CHRAC1: variants seen among roughly 807,000 people sequenced by gnomAD.
The protein encoded by CHRAC1 is chromatin accessibility complex subunit 1.
Under a neutral mutation model 9.1 loss-of-function variants are expected in CHRAC1, and 6 were observed. The observed-to-expected ratio is 0.66, with a 90% CI of 0.36 to 1.29. The LOEUF is 1.29. Ranked by LOEUF, CHRAC1 falls within the 50% of genes most tolerant of loss-of-function variation. The pLI, the probability that CHRAC1 is intolerant of heterozygous loss-of-function variation, is 0.03. For synonymous variants in CHRAC1, 73 were observed against 64.5 expected (o/e 1.13, Z -0.63); for missense variants, 168 against 163.5 (o/e 1.03, Z -0.15).
At chr8:140,511,863 G>A in intron 1 of CHRAC1, 3 of 514,620 alleles carry the variant, frequency 5.8e-6, no homozygotes, top group Admixed American at 3.3e-5. Flanking sequence ...ACCCCTCGCC[G>A]CTCCCTCACG....
chr8:140,514,504 T>A lies in CHRAC1; in HGVS notation c.274+9T>A. 6.5e-7 allele frequency: 1 copy of A among 1,542,200 alleles called. No homozygotes were observed. Among genetic ancestry groups the A allele is most frequent in the Non-Finnish European group, 8.7e-7 (1 of 1,154,664 alleles). On this transcript the variant is annotated intron_variant, in intron 2 of 2. Coordinates refer to ENST00000220913, the MANE Select transcript of CHRAC1 (RefSeq NM_017444.6). ...TTTTCAGTTTCTTGCAGGTACTTAG[T>A]CTTTGAAACATTCTGGTTAAAAAAT...
intron 1 of CHRAC1, 129 bp downstream of exon 1, chr8:140,511,775 C>T (rs1200749883): frequency 1.1e-6 from 1 of 935,006 alleles, no homozygotes; most frequent in Non-Finnish European, 1.5e-6. Flanking sequence ...GCGCGCGCCC[C>T]GCTGTCCCCG....
In CHRAC1 at chr8:140,516,388, T is replaced by C. The variant is rs905744048; in HGVS notation, c.*1141T>C. On this transcript the variant is annotated 3_prime_UTR_variant, in exon 3 of 3. Transcript: ENST00000220913. Reference sequence around the variant, plus strand: ...GTCTCAAACTCCTAACCTCAACTGATCCACCTGCCTCAGCCTCCCAAAGTG... The same window carrying C: ...GTCTCAAACTCCTAACCTCAACTGACCCACCTGCCTCAGCCTCCCAAAGTG... 6.6e-6 allele frequency: 1 copy of C among 152,200 alleles called. No individual in the cohort carries two copies. The highest frequency in any genetic ancestry group is 2.4e-5 in the African/African-American group (1 of 41,460). 9.4% of individuals were successfully genotyped at this position (152,200 alleles called of 1,614,324 possible).
At chr8:140,514,725 T>C in intron 2 of CHRAC1, 1 of 418,954 alleles carries the variant, frequency 2.4e-6, no homozygotes, top group Non-Finnish European at 4.2e-6. Flanking sequence ...ATTCACAAGA[T>C]GTTGGTTGGC....
chr8:140,514,744 C>T, intron 2 of CHRAC1: 1 of 392,652 alleles, frequency 2.5e-6, no homozygotes, highest in East Asian at 5.5e-5. Flanking sequence ...GCCGCGTATG[C>T]TGGGCAGTCC....
At chr8:140,514,729 G>C (rs908310555) in intron 2 of CHRAC1, 4 of 410,568 alleles carry the variant, frequency 9.7e-6, no homozygotes, top group Middle Eastern at 6.4e-4. Context: ...ACAAGATGTT[G>C]GTTGGCCGCG....
rs575848973 is a variant in CHRAC1 at position 140,511,396 on chromosome 8, C to A, written c.-104C>A. 2.8e-6 allele frequency: 3 copies of A among 1,075,916 alleles called. No individual in the cohort carries two copies. The highest frequency in any genetic ancestry group is 3.6e-6 in the Non-Finnish European group (3 of 827,290). The allele number at this position is 1,075,916 out of a possible 1,614,324, so 66.6% of individuals were successfully genotyped here. A position where few individuals can be genotyped will look rare whatever the true frequency, so the allele number is the denominator to read the frequency against. Reference sequence around the variant, plus strand: ...TCGCCTCCCCACACTACAACTCCCACGGGGCAGCGGGCGCGGCTCCCCGTA... The same window carrying A: ...TCGCCTCCCCACACTACAACTCCCAAGGGGCAGCGGGCGCGGCTCCCCGTA... On this transcript the variant is annotated 5_prime_UTR_variant, in exon 1 of 3. Transcript: ENST00000220913.
In CHRAC1 at chr8:140,516,506, A is replaced by G. The variant is rs1462442059; in HGVS notation, c.*1259A>G. 1 of 152,004 alleles carries G rather than the reference A, an allele frequency of 6.6e-6. No homozygotes were observed. The highest frequency in any genetic ancestry group is 6.6e-5 in the Admixed American group (1 of 15,246). 9.4% of individuals were successfully genotyped at this position (152,004 alleles called of 1,614,324 possible). A position where few individuals can be genotyped will look rare whatever the true frequency, so the allele number is the denominator to read the frequency against. Reference sequence around the variant, plus strand: ...TTTATAATTTACATTCAGTAAAATCACCCTTTTTAGTGTCTAGTCTGTGAA... The same window carrying G: ...TTTATAATTTACATTCAGTAAAATCGCCCTTTTTAGTGTCTAGTCTGTGAA... On this transcript the variant is annotated 3_prime_UTR_variant, in exon 3 of 3. Coordinates refer to ENST00000220913, the MANE Select transcript of CHRAC1 (RefSeq NM_017444.6).
Position 140,511,574 on chromosome 8 carries a change from G to T in CHRAC1, c.75G>T (p.Arg25=). Residue 25 remains arginine, a synonymous_variant, in exon 1 of 3, where the codon CGG becomes CGT. Transcript: ENST00000220913. ...TCTCGCTGCCTCTATCCCGCATCCG[G>T]GTCATCATGAAGAGCTCCCCCGAGG... The part of the protein sequence containing the change: ...RLISLPLSRI[R]VIMKSSPEVS... 1 of 1,477,822 alleles carries T rather than the reference G, an allele frequency of 6.8e-7. No individual in the cohort carries two copies. Among genetic ancestry groups the T allele is most frequent in the South Asian group, 1.4e-5 (1 of 73,050 alleles). The allele number at this position is 1,477,822 out of a possible 1,614,324, so 91.5% of individuals were successfully genotyped here.
At chr8:140,511,945 C>A in intron 1 of CHRAC1, 1 of 1,275,814 alleles carries the variant, frequency 7.8e-7, no homozygotes, top group Non-Finnish European at 1.0e-6. Flanking sequence ...CTCCGCCCGC[C>A]CCTTCCTTCC....
chr8:140,514,159 G>A, intron 1 of CHRAC1: 1 of 402,034 alleles, frequency 2.5e-6, no homozygotes, highest in Non-Finnish European at 4.3e-6. Flanking sequence ...GCCTGCCTCA[G>A]CCTCCCAAAG....
chr8:140,511,679 T>A, intron 1 of CHRAC1, 33 bp downstream of exon 1: 1 of 1,308,010 alleles, frequency 7.6e-7, no homozygotes, highest in Non-Finnish European at 9.8e-7. Flanking sequence ...TGGGCCGCCC[T>A]TACCCCTCGC....
At chr8:140,512,330 A>G (rs928122041) in intron 1 of CHRAC1, among the ~76,000 whole-genome samples, 8 of 152,268 alleles carry the variant, frequency 5.3e-5, no homozygotes, top group Admixed American at 5.2e-4. Context: ...TGCCAGCTCC[A>G]GCGGTCCGAG....
rs1324971959 is a variant in CHRAC1, at chr8:140,515,322, A to G, written c.*75A>G. 1 of 1,475,268 alleles carries G rather than the reference A, an allele frequency of 6.8e-7. No homozygotes were observed. The allele number at this position is 1,475,268 out of a possible 1,614,324, so 91.4% of individuals were successfully genotyped here. On this transcript the variant is annotated 3_prime_UTR_variant, in exon 3 of 3. Transcript: ENST00000220913. ...TCCACTGTCTCTAAGTAAACACAGCACTGCCCGCTTTTAGCGTCTTCACTT... is the reference window on the plus strand; with the variant it reads ...TCCACTGTCTCTAAGTAAACACAGCGCTGCCCGCTTTTAGCGTCTTCACTT...
chr8:140,514,907 C>CCATGTACTCCATAGAGTA (rs1476798839), intron 2 of CHRAC1: 42 of 456,516 alleles, frequency 9.2e-5, no homozygotes, highest in Non-Finnish European at 1.5e-4. Flanking sequence ...CATAGAGACA[C>CCATGTACTCCATAGAGTA]CATGGTTTGT....
At position 140,514,543 on chromosome 8, in the gene CHRAC1, T is replaced by C. The variant is rs368694053; in HGVS notation, c.274+48T>C. On this transcript the variant is annotated intron_variant, in intron 2 of 2. Transcript: ENST00000220913. ...TGGTTAAAAAATGATTAGTAATCAA[T>C]AGCTCTTTCCCCACCCCTTGCCTCC... The C allele has an allele frequency of 4.6e-5, 68 of 1,476,310 alleles. No individual in the cohort carries two copies. In the African/African-American group the frequency reaches 9.9e-4, roughly 21 times the overall value. The allele number at this position is 1,476,310 out of a possible 1,614,324, so 91.5% of individuals were successfully genotyped here.
chr8:140,513,303 T>G (rs1349852543), intron 1 of CHRAC1, among the ~76,000 whole-genome samples: 3 of 152,228 alleles, frequency 2.0e-5, no homozygotes, highest in African/African-American at 7.2e-5. Context: ...AATAGAAAAG[T>G]TTTGGCAAAA....
At position 140,515,890 on chromosome 8, in the gene CHRAC1, A is replaced by G. The variant is rs941175123; in HGVS notation, c.*643A>G. 3.3e-5 allele frequency: 5 copies of G among 152,226 alleles called. No homozygotes were observed. Among genetic ancestry groups the G allele is most frequent in the African/African-American group, 1.2e-4 (5 of 41,456 alleles). The allele number at this position is 152,226 out of a possible 1,614,324, so 9.4% of individuals were successfully genotyped here. On this transcript the variant is annotated 3_prime_UTR_variant, in exon 3 of 3. Coordinates refer to ENST00000220913, the MANE Select transcript of CHRAC1 (RefSeq NM_017444.6). ...TGAGAAATTTAAAAATAAGCATTCT[A>G]ACACTTTTATTCCCACAGAAAAATT...
intron 1 of CHRAC1, chr8:140,511,944 C>T (rs1488381864): frequency 7.9e-7 from 1 of 1,267,774 alleles, no homozygotes; most frequent in Admixed American, 2.3e-5. Context: ...GCTCCGCCCG[C>T]CCCTTCCTTC....
Sources: gnomAD v4.1 joint callset for allele counts (sites outside exome capture counted in the v4.1 genomes callset) on GRCh38, gnomAD v4.1.1 for gene constraint, MANE v1.5 for transcripts, NCBI Gene and HGNC (gene_info 2026-07-23, HGNC 2026-07-21) for gene names.